Variants in HHAT observed in about 807,000 individuals in gnomAD.
The protein encoded by HHAT is protein-cysteine N-palmitoyltransferase HHAT.
A neutral mutation model predicts 70.8 loss-of-function variants in HHAT; 47 were observed. That is an observed-to-expected ratio of 0.66 (90% confidence interval 0.53 to 0.85). HHAT has a LOEUF of 0.85. Among genes scored for constraint, HHAT ranks in the 40% least tolerant of loss-of-function variants. The pLI, the probability that HHAT is intolerant of heterozygous loss-of-function variation, is 0.00. For synonymous variants in HHAT, 228 were observed against 247.6 expected (o/e 0.92, Z 0.74); for missense variants, 609 against 604.8 (o/e 1.01, Z -0.07).
At chr1:210,379,448 C>T (rs1406363532) in intron 3 of HHAT, among the ~76,000 whole-genome samples, 1 of 152,222 alleles carries the variant, frequency 6.6e-6, no homozygotes. Context: ...GCAGTACCTG[C>T]TGTACAAGCA....
intron 8 of HHAT, among the ~76,000 whole-genome samples, chr1:210,469,114 C>G (rs1300322032): frequency 6.6e-6 from 1 of 151,986 alleles, no homozygotes; most frequent in African/African-American, 2.4e-5. Flanking sequence ...GGTCCTCCTG[C>G]TAATGGGCCG....
intron 9 of HHAT, among the ~76,000 whole-genome samples, chr1:210,548,296 C>T (rs1038916473): frequency 6.6e-6 from 1 of 152,086 alleles, no homozygotes; most frequent in Non-Finnish European, 1.5e-5. Flanking sequence ...TGGACAAGGC[C>T]CAGTGCTTTA....
At chr1:210,598,160 C>T (rs990653563) in intron 10 of HHAT, among the ~76,000 whole-genome samples, 2 of 151,946 alleles carry the variant, frequency 1.3e-5, no homozygotes, top group South Asian at 4.2e-4. Context: ...AAAACTCTGC[C>T]TGGCCCCCTA....
chr1:210,563,995 C>A (rs1428350464), intron 9 of HHAT, among the ~76,000 whole-genome samples: 1 of 152,120 alleles, frequency 6.6e-6, no homozygotes, highest in Admixed American at 6.5e-5. Flanking sequence ...ATTCTGTCAT[C>A]CAGGCTGGAG....
chr1:210,468,250 G>T (rs1490852943), intron 8 of HHAT, among the ~76,000 whole-genome samples: 1 of 151,960 alleles, frequency 6.6e-6, no homozygotes, highest in Non-Finnish European at 1.5e-5. Flanking sequence ...AGCATTTTTT[G>T]CCAGGAGTCA....
At chr1:210,638,049 A>G (rs958429369) in intron 11 of HHAT, among the ~76,000 whole-genome samples, 9 of 152,144 alleles carry the variant, frequency 5.9e-5, no homozygotes, top group African/African-American at 1.9e-4. Context: ...GAAAATAACA[A>G]CTGTTGGTGA....
chr1:210,560,335 G>C (rs553727899), intron 9 of HHAT, among the ~76,000 whole-genome samples: 2 of 152,016 alleles, frequency 1.3e-5, no homozygotes, highest in Non-Finnish European at 2.9e-5. Context: ...AAAAACAATG[G>C]GAATGTCCAT....
At position 210,599,923 on chromosome 1, in the gene HHAT, GTTC is replaced by G. The variant is rs570701482; in HGVS notation, c.1245+11830_1245+11832del. Among the ~76,000 whole-genome samples the G allele has an allele frequency of 9.2e-5, 14 of 152,054 alleles. No homozygotes were observed. In the East Asian group the frequency reaches 2.5e-3, roughly 27 times the overall value. ...CCCACTCCTCCCCCCTCACCTCTCTGTTCTTCTTTCTGTTCATTACATACCTGA... is the reference window on the plus strand; with the variant it reads ...CCCACTCCTCCCCCCTCACCTCTCTGTTCTTTCTGTTCATTACATACCTGA... On this transcript the variant is annotated intron_variant, in intron 10 of 11. Transcript: ENST00000261458.
chr1:210,464,838 A>T (rs2094065411), intron 8 of HHAT, among the ~76,000 whole-genome samples, 183 bp downstream of exon 8: 1 of 152,160 alleles, frequency 6.6e-6, no homozygotes, highest in Non-Finnish European at 1.5e-5. Flanking sequence ...TCTCACAATT[A>T]TGATTAGTCT....
chr1:210,599,646 C>A (rs1468931662), intron 10 of HHAT, among the ~76,000 whole-genome samples: 12 of 152,132 alleles, frequency 7.9e-5, no homozygotes. Flanking sequence ...GTTTCTATTT[C>A]TACTGAAATC....
At chr1:210,517,247 G>T (rs2095072384) in intron 9 of HHAT, among the ~76,000 whole-genome samples, 1 of 152,162 alleles carries the variant, frequency 6.6e-6, no homozygotes, top group Non-Finnish European at 1.5e-5. Flanking sequence ...AAGTGATTTT[G>T]GTTTGATTCT....
At position 210,675,661 on chromosome 1, in the gene HHAT, C is replaced by G. The variant is rs1680975523; in HGVS notation, c.*1282C>G. ...CCCTTATGTCTTGAGTTGAGGTTATCATCTCAATGAGGCTTTAGCTCCTAG... is the reference window on the plus strand; with the variant it reads ...CCCTTATGTCTTGAGTTGAGGTTATGATCTCAATGAGGCTTTAGCTCCTAG... On this transcript the variant is annotated 3_prime_UTR_variant, in exon 12 of 12. Transcript: ENST00000261458. 6.6e-6 allele frequency: 1 copy of G among 152,158 alleles called. No homozygotes were observed. Among genetic ancestry groups the G allele is most frequent in the African/African-American group, 2.4e-5 (1 of 41,436 alleles). 9.4% of individuals were successfully genotyped at this position (152,158 alleles called of 1,614,324 possible).
chr1:210,410,459 T>TTC (rs1475232212), intron 6 of HHAT, among the ~76,000 whole-genome samples: 1 of 151,732 alleles, frequency 6.6e-6, no homozygotes, highest in African/African-American at 2.4e-5. Flanking sequence ...TTTTTTTTTT[T>TTC]TAAGTAAAAG....
Position 210,383,679 on chromosome 1 carries a change from A to G in HHAT, c.160-3789A>G, listed in dbSNP as rs563130929. ...GTTCACCAGTTGGAACAAATATATT[A>G]CTGTGGTGGGAGATGCTGATGGAGA... is the stretch of plus-strand genomic sequence containing the variant. On this transcript the variant is annotated intron_variant, in intron 3 of 11. Coordinates refer to ENST00000261458, the MANE Select transcript of HHAT (RefSeq NM_018194.6). 1.8e-3 allele frequency among the ~76,000 whole-genome samples: 271 copies of G among 152,300 alleles called. 1 individual carries two copies. The highest frequency in any genetic ancestry group is 6.8e-3 in the Middle Eastern group (2 of 294).
intron 10 of HHAT, among the ~76,000 whole-genome samples, chr1:210,602,089 G>T (rs1320090526): frequency 6.6e-6 from 1 of 151,998 alleles, no homozygotes; most frequent in Non-Finnish European, 1.5e-5. Context: ...AATCTAGAGG[G>T]TGATTTCACA....
At chr1:210,565,594 C>A (rs980259438) in intron 9 of HHAT, among the ~76,000 whole-genome samples, 1 of 152,002 alleles carries the variant, frequency 6.6e-6, no homozygotes, top group African/African-American at 2.4e-5. Flanking sequence ...AAAACAGAAA[C>A]GATGACAGTG....
At chr1:210,638,354 A>G (rs1672311287) in intron 11 of HHAT, among the ~76,000 whole-genome samples, 1 of 152,242 alleles carries the variant, frequency 6.6e-6, no homozygotes, top group African/African-American at 2.4e-5. Context: ...ATAAAGAGAA[A>G]TGAAGTACTG....
chr1:210,661,815 T>C (rs1030768028), intron 11 of HHAT, among the ~76,000 whole-genome samples: 4 of 152,046 alleles, frequency 2.6e-5, no homozygotes, highest in African/African-American at 7.2e-5. Context: ...CCACATGTTC[T>C]CACACACAAG....
At chr1:210,636,995 C>A (rs1388885387) in intron 11 of HHAT, among the ~76,000 whole-genome samples, 1 of 152,164 alleles carries the variant, frequency 6.6e-6, no homozygotes, top group Non-Finnish European at 1.5e-5. Flanking sequence ...AGGGACCTAA[C>A]CTCTCTACTA....
Sources: gnomAD v4.1 joint callset for allele counts (sites outside exome capture counted in the v4.1 genomes callset) on GRCh38, gnomAD v4.1.1 for gene constraint, MANE v1.5 for transcripts, NCBI Gene and HGNC (gene_info 2026-07-23, HGNC 2026-07-21) for gene names.